Variants in ITGB3BP observed in about 807,000 individuals in gnomAD.
ITGB3BP encodes centromere protein R.
Under a neutral mutation model 29.1 loss-of-function variants are expected in ITGB3BP, and 27 were observed. The ratio of observed to expected loss-of-function variants is 0.93; its 90% CI spans 0.68 to 1.28. The LOEUF (loss-of-function observed/expected upper bound fraction) is 1.28. Ranked by LOEUF, ITGB3BP falls within the 50% of genes most tolerant of loss-of-function variation. The pLI, the probability that ITGB3BP is intolerant of heterozygous loss-of-function variation, is 0.00. For missense variants in ITGB3BP, 192 were observed against 200.2 expected (o/e 0.96, Z 0.25); for synonymous variants, 61 against 61.4 (o/e 0.99, Z 0.03).
chr1:63,485,925 C>G (rs1246077349), intron 3 of ITGB3BP, among the ~76,000 whole-genome samples: 1 of 151,818 alleles, frequency 6.6e-6, no homozygotes, highest in African/African-American at 2.4e-5. Context: ...TTTACCCTGC[C>G]CAGACTTAGC....
chr1:63,445,349 C>T (rs1410540768), intron 8 of ITGB3BP, among the ~76,000 whole-genome samples: 1 of 150,458 alleles, frequency 6.6e-6, no homozygotes, highest in Non-Finnish European at 1.5e-5. Flanking sequence ...AGCTATTACT[C>T]ACTGCAAACA....
At chr1:63,492,831 G>T (rs1645684039) in intron 2 of ITGB3BP, among the ~76,000 whole-genome samples, 1 of 152,196 alleles carries the variant, frequency 6.6e-6, no homozygotes, top group Non-Finnish European at 1.5e-5. Context: ...GATGTCAGCT[G>T]GGCAGGGCAT....
intron 1 of ITGB3BP, among the ~76,000 whole-genome samples, chr1:63,509,673 C>G (rs1433932337): frequency 6.6e-6 from 1 of 152,130 alleles, no homozygotes; most frequent in Non-Finnish European, 1.5e-5. Context: ...ATCCACATTA[C>G]CCTATCACAA....
At chr1:63,521,495 A>G (rs1381261412) in intron 1 of ITGB3BP, among the ~76,000 whole-genome samples, 1 of 152,160 alleles carries the variant, frequency 6.6e-6, no homozygotes, top group Non-Finnish European at 1.5e-5. Flanking sequence ...AAAGCCTAAT[A>G]TAACATCTTG....
intron 2 of ITGB3BP, among the ~76,000 whole-genome samples, chr1:63,492,791 A>G (rs990667171): frequency 6.6e-6 from 1 of 152,048 alleles, no homozygotes; most frequent in African/African-American, 2.4e-5. Flanking sequence ...AAAACAAAAC[A>G]AAAAACAAAA....
At position 63,454,506 on chromosome 1, in the gene ITGB3BP, C is replaced by T. The variant is rs757388317; in HGVS notation, c.334-33G>A. ...AAAGTCATCTTGAATGAGTTAAGTTCTCTACACACATGAGATTACTGACAT... is the reference window on the plus strand; with the variant it reads ...AAAGTCATCTTGAATGAGTTAAGTTTTCTACACACATGAGATTACTGACAT... On this transcript the variant is annotated intron_variant, in intron 5 of 8. Transcript: ENST00000271002. The surrounding 1 kb of genome is among the most constrained non-coding windows in gnomAD (Gnocchi z 4.1). The T allele has an allele frequency of 1.9e-6, 2 of 1,052,422 alleles. No individual in the cohort carries two copies. The highest frequency in any genetic ancestry group is 2.9e-6 in the Non-Finnish European group (2 of 690,102). The allele number at this position is 1,052,422 out of a possible 1,614,324, so 65.2% of individuals were successfully genotyped here.
At chr1:63,509,494 C>T (rs1229724457) in intron 1 of ITGB3BP, among the ~76,000 whole-genome samples, 1 of 152,026 alleles carries the variant, frequency 6.6e-6, no homozygotes, top group East Asian at 1.9e-4. Flanking sequence ...TACAGAAATC[C>T]CCCAAAAGTT....
At chr1:63,518,187 C>T (rs946322734) in intron 1 of ITGB3BP, among the ~76,000 whole-genome samples, 1 of 152,136 alleles carries the variant, frequency 6.6e-6, no homozygotes, top group South Asian at 2.1e-4. Flanking sequence ...GCCTCCTATT[C>T]CTAGTTTGCT....
chr1:63,449,905 T>C (rs927316711), intron 7 of ITGB3BP: 2 of 152,492 alleles, frequency 1.3e-5, no homozygotes, highest in African/African-American at 4.8e-5. Context: ...ATTCAGCTGA[T>C]ATGATGAATA....
chr1:63,523,967 A>G (rs1570359869), upstream of ITGB3BP, among the ~76,000 whole-genome samples: 1 of 152,054 alleles, frequency 6.6e-6, no homozygotes, highest in Non-Finnish European at 1.5e-5. Flanking sequence ...GTTTGCTGCA[A>G]TGTACTCTCT....
At chr1:63,468,797 G>A (rs1260298808) in intron 4 of ITGB3BP, among the ~76,000 whole-genome samples, 4 of 152,028 alleles carry the variant, frequency 2.6e-5, no homozygotes, top group African/African-American at 7.3e-5. Context: ...GGAGGTGGTG[G>A]TTGCAGTGAG....
At chr1:63,490,366 A>G (rs933869745) in intron 2 of ITGB3BP, 148 bp from the exon 3 acceptor site, 15 of 579,280 alleles carry the variant, frequency 2.6e-5, no homozygotes, top group Non-Finnish European at 4.2e-5. Context: ...ATCACTCTCA[A>G]AGTAAACACT....
At chr1:63,522,876 A>G (rs1382915627) in intron 1 of ITGB3BP, 2 of 665,740 alleles carry the variant, frequency 3.0e-6, no homozygotes, top group Non-Finnish European at 5.5e-6. Context: ...GACATCACCT[A>G]AATACAGCCC....
chr1:63,469,825 AAACTGGCCC>A (rs1645165002), intron 4 of ITGB3BP, among the ~76,000 whole-genome samples: 1 of 152,234 alleles, frequency 6.6e-6, no homozygotes, highest in African/African-American at 2.4e-5. Context: ...ATCTGGCCGT[AAACTGGCCC>A]TAAACTGGCC....
At chr1:63,472,472 CCCTCTCT>C (rs1183932727) in intron 4 of ITGB3BP, among the ~76,000 whole-genome samples, 2 of 148,394 alleles carry the variant, frequency 1.3e-5, no homozygotes, top group Non-Finnish European at 1.5e-5. Flanking sequence ...CTCCCCTCTC[CCCTCTCT>C]CCTCTCCACG....
upstream of ITGB3BP, among the ~76,000 whole-genome samples, chr1:63,524,412 G>C (rs900133211): frequency 6.6e-6 from 1 of 152,166 alleles, no homozygotes; most frequent in African/African-American, 2.4e-5. Flanking sequence ...GGCGGCCTGC[G>C]TATTATAAAT....
chr1:63,502,976 G>A (rs1222555295), intron 2 of ITGB3BP, among the ~76,000 whole-genome samples: 3 of 152,046 alleles, frequency 2.0e-5, no homozygotes, highest in South Asian at 2.1e-4. Context: ...ATAAACATAC[G>A]TGTGCATGTG....
intron 3 of ITGB3BP, among the ~76,000 whole-genome samples, chr1:63,482,522 G>A (rs1645456644): frequency 1.3e-5 from 2 of 152,056 alleles, no homozygotes; most frequent in African/African-American, 2.4e-5. Flanking sequence ...GTTGAGGCCT[G>A]TAGGCAAAGA....
At chr1:63,482,490 A>T (rs1397510879) in intron 3 of ITGB3BP, among the ~76,000 whole-genome samples, 1 of 151,962 alleles carries the variant, frequency 6.6e-6, no homozygotes, top group African/African-American at 2.4e-5. Context: ...CTTTCTAAAA[A>T]GGTTACTTGC....
Sources: allele counts gnomAD v4.1 joint callset (sites outside exome capture counted in the v4.1 genomes callset), GRCh38; gene constraint gnomAD v4.1.1; non-coding constraint Gnocchi (gnomAD v3.1); transcripts MANE v1.5; gene names NCBI Gene and HGNC (gene_info 2026-07-23, HGNC 2026-07-21).